PRMT8: variants seen among roughly 807,000 people sequenced by gnomAD.
The protein encoded by PRMT8 is protein arginine N-methyltransferase 8.
In PRMT8, 7 loss-of-function variants were observed where a neutral mutation model predicts 47.1. That is an observed-to-expected ratio of 0.15 (90% confidence interval 0.08 to 0.28). The LOEUF is 0.28. Among genes scored for constraint, PRMT8 ranks in the 10% least tolerant of loss-of-function variants. The pLI is 1.00. For missense variants in PRMT8, 237 were observed against 505.4 expected, an observed-to-expected ratio of 0.47 and a Z score of 5.09; for synonymous variants, 188 against 186.5, an observed-to-expected ratio of 1.01 and a Z score of -0.07.
chr12:3,408,791 A>G (rs1339483276), intron 1 of PRMT8, among the ~76,000 whole-genome samples: 1 of 152,144 alleles, frequency 6.6e-6, no homozygotes, highest in Non-Finnish European at 1.5e-5. Flanking sequence ...CTCTGGATTG[A>G]AGTGGATGCA....
At chr12:3,442,280 T>C (rs1222206619) in intron 1 of PRMT8, among the ~76,000 whole-genome samples, 14 of 152,134 alleles carry the variant, frequency 9.2e-5, no homozygotes, top group Admixed American at 7.9e-4. Flanking sequence ...ATAGGGTGGC[T>C]GTTATTTTTT....
rs1867344131 is a variant in PRMT8 at position 3,593,009 on chromosome 12, T to C, written c.1102-90T>C. On this transcript the variant is annotated intron_variant, in intron 9 of 9. Coordinates refer to ENST00000382622, the MANE Select transcript of PRMT8 (RefSeq NM_019854.5). The surrounding 1 kb of genome is among the most constrained non-coding windows in gnomAD (Gnocchi z 4.8). ...AAGACGCTGGTGCTACCCATCCCTG[T>C]GGTTCCAGGAGCAGGTGGTGCCAGA... The C allele has an allele frequency of 1.0e-6, 1 of 986,808 alleles. No homozygotes were observed. The allele number at this position is 986,808 out of a possible 1,614,324, so 61.1% of individuals were successfully genotyped here. A position where few individuals can be genotyped will look rare whatever the true frequency, so the allele number is the denominator to read the frequency against.
At chr12:3,559,500 T>C (rs1360847130) in intron 4 of PRMT8, among the ~76,000 whole-genome samples, 2 of 152,238 alleles carry the variant, frequency 1.3e-5, no homozygotes, top group Admixed American at 1.3e-4. Flanking sequence ...TATCTATTTA[T>C]ATGTATTGTC....
At chr12:3,389,723 C>T (rs560317076) in intron 1 of PRMT8, among the ~76,000 whole-genome samples, 13 of 152,318 alleles carry the variant, frequency 8.5e-5, no homozygotes, top group Non-Finnish European at 1.0e-4. Context: ...TGAAATTATG[C>T]GGCTGCTTGG....
chr12:3,577,598 C>T (rs1212016115), intron 7 of PRMT8, among the ~76,000 whole-genome samples: 2 of 152,196 alleles, frequency 1.3e-5, no homozygotes, highest in Non-Finnish European at 2.9e-5. Flanking sequence ...ATCCTCTGGG[C>T]CACATGTGGT....
intron 1 of PRMT8, among the ~76,000 whole-genome samples, chr12:3,424,904 T>C (rs1864585878): frequency 6.6e-6 from 1 of 152,208 alleles, no homozygotes; most frequent in Admixed American, 6.5e-5. Flanking sequence ...AGTTTCCTCA[T>C]GCTTTGGCCA....
At chr12:3,590,429 C>G (rs1344263528) in intron 8 of PRMT8, among the ~76,000 whole-genome samples, 2 of 152,140 alleles carry the variant, frequency 1.3e-5, no homozygotes, top group Non-Finnish European at 2.9e-5. Flanking sequence ...CAGGGTGGAC[C>G]TCAGGTGGCT....
chr12:3,442,245 G>C (rs1372006091), intron 1 of PRMT8, among the ~76,000 whole-genome samples: 2 of 152,084 alleles, frequency 1.3e-5, no homozygotes, highest in African/African-American at 4.8e-5. Context: ...AAATCCAAAG[G>C]CTTGATAAAG....
At chr12:3,481,443 A>G (rs1277328164) in intron 1 of PRMT8, among the ~76,000 whole-genome samples, 1 of 152,186 alleles carries the variant, frequency 6.6e-6, no homozygotes, top group Non-Finnish European at 1.5e-5. Flanking sequence ...AGTTAGGGCC[A>G]GAAACTGAAA....
intron 1 of PRMT8, among the ~76,000 whole-genome samples, chr12:3,425,853 A>G (rs1464211872): frequency 6.6e-6 from 1 of 152,262 alleles, no homozygotes; most frequent in Non-Finnish European, 1.5e-5. Context: ...TGCCCAGTAA[A>G]GGCCTACCAC....
chr12:3,439,358 C>T (rs529572799), intron 1 of PRMT8, among the ~76,000 whole-genome samples: 13 of 152,180 alleles, frequency 8.5e-5, no homozygotes, highest in African/African-American at 2.7e-4. Flanking sequence ...TCCTGGGTAC[C>T]GGTGGTCTCA....
chr12:3,511,565 C>G (rs922281359), intron 1 of PRMT8, among the ~76,000 whole-genome samples: 1 of 152,174 alleles, frequency 6.6e-6, no homozygotes, highest in Non-Finnish European at 1.5e-5. Context: ...CTCTTCCCTT[C>G]CCAGGCCTGG....
At chr12:3,404,181 A>T (rs1864350006) in intron 1 of PRMT8, among the ~76,000 whole-genome samples, 1 of 152,042 alleles carries the variant, frequency 6.6e-6, no homozygotes, top group Non-Finnish European at 1.5e-5. Flanking sequence ...ATTTTTCTGA[A>T]ATTGGTATGT....
intron 1 of PRMT8, among the ~76,000 whole-genome samples, chr12:3,401,825 C>G (rs890935427): frequency 2.0e-5 from 3 of 152,074 alleles, no homozygotes; most frequent in African/African-American, 4.8e-5. Context: ...TCAAAGAAAT[C>G]AGAGAGGACA....
upstream of PRMT8, among the ~76,000 whole-genome samples, chr12:3,486,827 G>C (rs1195973468): frequency 6.6e-6 from 1 of 152,196 alleles, no homozygotes; most frequent in Non-Finnish European, 1.5e-5. Flanking sequence ...ATCATATCCA[G>C]CACAAAACCG....
chr12:3,525,173 G>A (rs1322063868), intron 1 of PRMT8, among the ~76,000 whole-genome samples: 1 of 152,156 alleles, frequency 6.6e-6, no homozygotes, highest in Non-Finnish European at 1.5e-5. Flanking sequence ...AGTGAGCCAA[G>A]ACCATGCCCT....
At chr12:3,448,073 T>A (rs1864876442) in intron 1 of PRMT8, among the ~76,000 whole-genome samples, 1 of 152,206 alleles carries the variant, frequency 6.6e-6, no homozygotes, top group Non-Finnish European at 1.5e-5. Context: ...CATATCTCAC[T>A]TTATCCTTTA....
intron 1 of PRMT8, among the ~76,000 whole-genome samples, chr12:3,395,993 T>C (rs1054379783): frequency 1.3e-5 from 2 of 151,620 alleles, no homozygotes; most frequent in African/African-American, 4.8e-5. Flanking sequence ...TTTTGATCTT[T>C]GTTGGTTTAA....
rs1405614611 is a variant in PRMT8 at position 3,496,231 on chromosome 12, T to A, written c.75+4531T>A. Among the ~76,000 whole-genome samples the A allele has an allele frequency of 8.2e-4, 106 of 128,656 alleles. 4 individuals carry two copies. The highest frequency in any genetic ancestry group is 3.0e-3 in the African/African-American group (101 of 34,200). The allele number at this position is 128,656 out of a possible 152,430, so 84.4% of individuals were successfully genotyped here. On this transcript the variant is annotated intron_variant, in intron 1 of 9. Transcript: ENST00000382622. ...ATATATATATTTTTTTTTTTTTTTT[T>A]TTTTTTTTTGAATGTTCTGTTGACT...
Sources: gnomAD v4.1 joint callset for allele counts (sites outside exome capture counted in the v4.1 genomes callset) on GRCh38, gnomAD v4.1.1 for gene constraint, Gnocchi (gnomAD v3.1) non-coding constraint, MANE v1.5 for transcripts, NCBI Gene and HGNC (gene_info 2026-07-23, HGNC 2026-07-21) for gene names.